The following AHNAK variants were observed in gnomAD, a reference collection of about 807,000 sequenced individuals.
AHNAK encodes the protein neuroblast differentiation-associated protein AHNAK.
In AHNAK, 23 loss-of-function variants were observed where a neutral mutation model predicts 37.8. The observed-to-expected ratio is 0.61, with a 90% confidence interval of 0.44 to 0.86. The LOEUF (loss-of-function observed/expected upper bound fraction) is 0.86. Ranked by LOEUF, AHNAK falls within the 40% of genes least tolerant of loss-of-function variation. The probability of loss-of-function intolerance (pLI) is 0.00; values close to 1 mark genes in which losing one functional copy is unlikely to be tolerated. For missense variants in AHNAK, 7,411 were observed against 7,319.4 expected, an observed-to-expected ratio of 1.01 and a Z score of -0.46; for synonymous variants, 2,481 against 2,636.3, an observed-to-expected ratio of 0.94 and a Z score of 1.80.
chr11:62,484,341 A>G (rs1315657012), intron 5 of AHNAK, among the ~76,000 whole-genome samples: 1 of 152,110 alleles, frequency 6.6e-6, no homozygotes, highest in East Asian at 1.9e-4. Context: ...AGCTATGATC[A>G]TGCCACCACA....
intron 1 of AHNAK, among the ~76,000 whole-genome samples, chr11:62,539,378 C>G (rs1028647935): frequency 1.3e-5 from 2 of 152,358 alleles, no homozygotes; most frequent in East Asian, 3.9e-4. Flanking sequence ...TGGTGCTGTG[C>G]CAGCAGCCAG....
Position 62,530,296 on chromosome 11 carries a change from T to C in AHNAK, c.4121A>G (p.His1374Arg), listed in dbSNP as rs748018522. The part of the protein sequence containing the change: ...VDISAPDVDV[H>R]GPDWHLKMPK... Reference sequence around the variant, plus strand: ...CATCTTCAGGTGCCAATCTGGGCCATGAACATCCACATCTGGAGCACTAAT... The same window carrying C: ...CATCTTCAGGTGCCAATCTGGGCCACGAACATCCACATCTGGAGCACTAAT... Residue 1374 changes from histidine (H) to arginine (R), a missense_variant, in exon 5 of 5, where the codon CAT becomes CGT. Physicochemically the swap from His to Arg is conservative, Grantham distance 29. Coordinates refer to ENST00000378024, the MANE Select transcript of AHNAK (RefSeq NM_001620.3). 9 of 1,612,908 alleles carry C rather than the reference T, an allele frequency of 5.6e-6. No individual in the cohort carries two copies. The East Asian group carries it at 8.9e-5, about 16-fold the overall frequency.
At chr11:62,482,294 A>G (rs982208757) in intron 5 of AHNAK, among the ~76,000 whole-genome samples, 1 of 152,296 alleles carries the variant, frequency 6.6e-6, no homozygotes, top group Middle Eastern at 3.4e-3. Flanking sequence ...GCGTGCCTGT[A>G]GTTCCAGCTA....
chr11:62,488,565 A>ATTTTTTTTTTT (rs57544040), intron 5 of AHNAK, among the ~76,000 whole-genome samples: 1 of 133,964 alleles, frequency 7.5e-6, no homozygotes, highest in African/African-American at 2.9e-5. Flanking sequence ...TGCCCAGCTA[A>ATTTTTTTTTTT]TTTTTTTTTT....
At position 62,536,513 on chromosome 11, in the gene AHNAK, G is replaced by C. The variant is rs907049477; in HGVS notation, c.-45C>G. 6.2e-6 allele frequency: 1 copy of C among 160,854 alleles called. No homozygotes were observed. Among genetic ancestry groups the C allele is most frequent in the African/African-American group, 2.4e-5 (1 of 41,706 alleles). 10.0% of individuals were successfully genotyped at this position (160,854 alleles called of 1,614,324 possible). ...GGAGCGAATGCCTTGCCAGGAGCCCGCCCCTCCTTCCTCTCTTCCCCTCAG... is the reference window on the plus strand; with the variant it reads ...GGAGCGAATGCCTTGCCAGGAGCCCCCCCCTCCTTCCTCTCTTCCCCTCAG... On this transcript the variant is annotated 5_prime_UTR_variant, in exon 2 of 5. Transcript: ENST00000378024.
intron 4 of AHNAK, among the ~76,000 whole-genome samples, chr11:62,510,598 G>C (rs1413225803): frequency 6.6e-6 from 1 of 151,854 alleles, no homozygotes; most frequent in Non-Finnish European, 1.5e-5. Flanking sequence ...ACAAAAATTA[G>C]GCAGGCATGA....
At chr11:62,441,376 G>A (rs1938302181) in intron 5 of AHNAK, among the ~76,000 whole-genome samples, 1 of 152,084 alleles carries the variant, frequency 6.6e-6, no homozygotes, top group Admixed American at 6.5e-5. Flanking sequence ...AGGAGGCTGA[G>A]GCAGGAGGAT....
At chr11:62,451,083 CT>C (rs555597390) in intron 5 of AHNAK, among the ~76,000 whole-genome samples, 4,517 of 139,896 alleles carry the variant, frequency 0.032, 212 homozygotes, top group African/African-American at 0.095. Context: ...TTCCTGGAAT[CT>C]TTTTTTTTTT....
chr11:62,459,159 G>A (rs931073876), intron 5 of AHNAK, among the ~76,000 whole-genome samples: 3 of 152,152 alleles, frequency 2.0e-5, no homozygotes, highest in African/African-American at 7.2e-5. Context: ...GGTCCCCAAA[G>A]CACTCATACT....
At chr11:62,477,986 A>G (rs890921327) in intron 5 of AHNAK, among the ~76,000 whole-genome samples, 2 of 152,090 alleles carry the variant, frequency 1.3e-5, no homozygotes, top group African/African-American at 4.8e-5. Context: ...GAGGAAGCGA[A>G]AGAAGGCCAG....
At chr11:62,438,897 T>TA (rs1938238465) in intron 5 of AHNAK, among the ~76,000 whole-genome samples, 1 of 152,090 alleles carries the variant, frequency 6.6e-6, no homozygotes, top group Admixed American at 6.6e-5. Flanking sequence ...AGAATGCTCA[T>TA]ATGATAATGA....
intron 5 of AHNAK, among the ~76,000 whole-genome samples, chr11:62,461,196 A>G (rs1938779147): frequency 1.7e-5 from 2 of 114,692 alleles, no homozygotes; most frequent in African/African-American, 6.8e-5. Flanking sequence ...ACCAAGCTGG[A>G]ATGCAATGGC....
chr11:62,535,236 G>C, intron 3 of AHNAK, 46 bp from the exon 4 acceptor site: 1 of 1,554,494 alleles, frequency 6.4e-7, no homozygotes, highest in South Asian at 1.1e-5. Flanking sequence ...AAGAGCCTCA[G>C]GGAAACCGCA....
downstream of AHNAK, among the ~76,000 whole-genome samples, chr11:62,513,031 C>G (rs2134184343): frequency 6.6e-6 from 1 of 152,256 alleles, no homozygotes; most frequent in Non-Finnish European, 1.5e-5. Context: ...TCCCAGATGC[C>G]CCCTTAACTA....
At chr11:62,433,547 G>A (rs747182330) in exon 6 of AHNAK, 3 of 353,792 alleles carry the variant, frequency 8.5e-6, no homozygotes, top group Non-Finnish European at 1.5e-5. Context: ...AAGAACAGAT[G>A]CTTGATAAAT....
intron 4 of AHNAK, among the ~76,000 whole-genome samples, chr11:62,508,799 C>T (rs1324506496): frequency 6.6e-6 from 1 of 152,224 alleles, no homozygotes; most frequent in Non-Finnish European, 1.5e-5. Context: ...TCTTTGTCCT[C>T]GTGAGGAAAG....
rs1181080357 is a variant in AHNAK at position 62,533,528 on chromosome 11, C to G, written c.889G>C (p.Glu297Gln). 2.5e-6 allele frequency: 4 copies of G among 1,614,070 alleles called. No homozygotes were observed. The highest frequency in any genetic ancestry group is 1.6e-4 in the Middle Eastern group (1 of 6,084). ...RAVEVQGPSL[E>Q]SGDHGKIKFP... ...TTAATTTTGCCATGATCACCACTCT[C>G]CAGAGATGGGCCCTGTACCTCTACT... is the stretch of plus-strand genomic sequence containing the variant. Residue 297 changes from glutamate to glutamine, a missense_variant, in exon 5 of 5, where the codon GAG (glutamate) becomes CAG (glutamine). Glu to Gln is a conservative substitution (Grantham distance 29, BLOSUM62 2). Transcript: ENST00000378024.
chr11:62,534,100 G>T, intron 4 of AHNAK, 26 bp from the exon 5 acceptor site: 1 of 1,518,020 alleles, frequency 6.6e-7, no homozygotes, highest in Middle Eastern at 1.9e-4. Context: ...CCGGGCAGAG[G>T]TTGCAGCAGA....
intron 5 of AHNAK, among the ~76,000 whole-genome samples, chr11:62,484,756 C>G (rs1340435050): frequency 6.6e-6 from 1 of 152,094 alleles, no homozygotes; most frequent in Non-Finnish European, 1.5e-5. Flanking sequence ...CATGGCAATA[C>G]TTGACTTAGG....
Sources: allele counts gnomAD v4.1 joint callset (sites outside exome capture counted in the v4.1 genomes callset), GRCh38; gene constraint gnomAD v4.1.1; transcripts MANE v1.5; gene names NCBI Gene and HGNC (gene_info 2026-07-23, HGNC 2026-07-21).